Variants in SLC13A2 observed in about 807,000 individuals in gnomAD.
SLC13A2 encodes the protein Na(+)-coupled citrate transporter.
In SLC13A2, 40 loss-of-function variants were observed where a neutral mutation model predicts 58.5. The ratio of observed to expected loss-of-function variants is 0.68; its 90% CI spans 0.53 to 0.89. The LOEUF (loss-of-function observed/expected upper bound fraction) is 0.89, where lower values mean the gene tolerates loss of function less well. SLC13A2 is among the 40% of genes least tolerant of loss of function. The pLI, the probability that SLC13A2 is intolerant of heterozygous loss-of-function variation, is 0.00. For synonymous variants in SLC13A2, 341 were observed against 331.6 expected (o/e 1.03, Z -0.31); for missense variants, 694 against 772.6 (o/e 0.90, Z 1.21).
Position 28,495,770 on chromosome 17 carries a change from G to C in SLC13A2, c.1424G>C (p.Ser475Thr). 1 of 1,613,382 alleles carries C rather than the reference G, an allele frequency of 6.2e-7. No individual in the cohort carries two copies. ...LLVATFTECT[S>T]NVATTTIFLP... ...GTGGCCACCTTCACCGAGTGCACTA[G>C]CAACGTGGCCACCACTACGATCTTC... The change falls in exon 10 of 12, where the codon AGC (serine) becomes ACC (threonine). Residue 475 changes from serine to threonine, a missense_variant. Physicochemically the swap from Ser to Thr is moderately conservative, Grantham distance 58. Transcript: ENST00000314669.
rs1394350141 is a variant in SLC13A2, at chr17:28,497,134, C to T, written c.1644C>T (p.Val548=). ...RAGFLLNIIG[V]LIIALAINSW... ...GATTCCTCCTCAACATCATTGGAGT[C>T]CTGATCATCGCACTGGCCATCAACA... The change falls in exon 12 of 12, where the codon GTC becomes GTT. Residue 548 remains valine, a synonymous_variant. Transcript: ENST00000314669. 3 of 1,614,008 alleles carry T rather than the reference C, an allele frequency of 1.9e-6. No homozygotes were observed. The highest frequency in any genetic ancestry group is 2.5e-6 in the Non-Finnish European group (3 of 1,180,020).
intron 1 of SLC13A2, among the ~76,000 whole-genome samples, chr17:28,480,015 G>C (rs780688837): frequency 6.6e-6 from 1 of 152,014 alleles, no homozygotes; most frequent in Non-Finnish European, 1.5e-5. Context: ...TTAGCTGGGC[G>C]TGGTGGCACA....
intron 7 of SLC13A2, 32 bp downstream of exon 7, chr17:28,493,821 A>G (rs372606373): frequency 5.1e-5 from 82 of 1,608,650 alleles, no homozygotes; most frequent in East Asian, 2.2e-4. Flanking sequence ...AGGAGGACAC[A>G]TCTGGGGCTC....
chr17:28,479,444 G>T (rs1555600664), intron 1 of SLC13A2, among the ~76,000 whole-genome samples: 1 of 152,098 alleles, frequency 6.6e-6, no homozygotes, highest in East Asian at 1.9e-4. Flanking sequence ...AGCCCTACAA[G>T]GCTACAGGGA....
chr17:28,484,591 G>T (rs2068843746), intron 1 of SLC13A2, among the ~76,000 whole-genome samples: 1 of 152,178 alleles, frequency 6.6e-6, no homozygotes, highest in African/African-American at 2.4e-5. Context: ...GTGTGTGCTG[G>T]GGGAGGGGAG....
chr17:28,481,474 A>T (rs1555601122), intron 1 of SLC13A2, among the ~76,000 whole-genome samples: 2 of 152,222 alleles, frequency 1.3e-5, no homozygotes, highest in Non-Finnish European at 1.5e-5. Context: ...CTTCCAGTGC[A>T]TGCTGTTGGG....
Position 28,493,674 on chromosome 17 carries a change from G to T in SLC13A2, c.982G>T (p.Ala328Ser). ...CAGGCTGCTGGGCCCCATGACCTTT[G>T]CAGAAAAGGCCATCAGCATCCTATT... ...EHRLLGPMTF[A>S]EKAISILFVI... The change falls in exon 7 of 12, where the codon GCA becomes TCA. Residue 328 changes from alanine (A) to serine (S), a missense_variant. Ala to Ser is a moderately conservative substitution (Grantham distance 99). Transcript: ENST00000314669. 6.2e-7 allele frequency: 1 copy of T among 1,614,244 alleles called. No homozygotes were observed. The highest frequency in any genetic ancestry group is 8.5e-7 in the Non-Finnish European group (1 of 1,180,040).
At position 28,494,049 on chromosome 17, in the gene SLC13A2, T is replaced by C; in HGVS notation, c.1130T>C (p.Ile377Thr). ...TCCGATGGGACAGTGGCCATCTTCA[T>C]CGGCATAATTATGTTCATCATACCC... ...MVSDGTVAIF[I>T]GIIMFIIPSK... Residue 377 changes from isoleucine to threonine, a missense_variant, in exon 8 of 12, where the codon ATC (isoleucine) becomes ACC (threonine). Ile to Thr is a moderately conservative substitution (Grantham distance 89, BLOSUM62 -1). Coordinates refer to ENST00000314669, the MANE Select transcript of SLC13A2 (RefSeq NM_003984.4). The surrounding 1 kb of genome is among the most constrained non-coding windows in gnomAD (Gnocchi z 4.0). 6.2e-7 allele frequency: 1 copy of C among 1,613,834 alleles called. No individual in the cohort carries two copies. The highest frequency in any genetic ancestry group is 1.1e-5 in the South Asian group (1 of 91,070).
rs782386987 is a variant in SLC13A2, at chr17:28,495,704, G to T, written c.1358G>T (p.Ser453Ile). 8 of 1,612,352 alleles carry T rather than the reference G, an allele frequency of 5.0e-6. No individual in the cohort carries two copies. The African/African-American group carries it at 1.1e-4, about 22-fold the overall frequency. ...WLGNKLTPLQ[S>I]VPAPAIAIIL... Reference sequence around the variant, plus strand: ...GGAAACAAGCTGACCCCACTGCAGAGTGTGCCAGCTCCAGCCATTGCCATC... The same window carrying T: ...GGAAACAAGCTGACCCCACTGCAGATTGTGCCAGCTCCAGCCATTGCCATC... The change falls in exon 10 of 12, where the codon AGT becomes ATT. Residue 453 changes from serine to isoleucine, a missense_variant. By Grantham distance (142) the Ser-to-Ile change is moderately radical (BLOSUM62 -2). Transcript: ENST00000314669.
chr17:28,484,462 A>C (rs143086918), intron 1 of SLC13A2, among the ~76,000 whole-genome samples: 1 of 152,312 alleles, frequency 6.6e-6, no homozygotes, highest in East Asian at 1.9e-4. Context: ...GTATGGCCAG[A>C]GCAGAGAGAG....
At chr17:28,487,805 G>A (rs1222197268) in intron 1 of SLC13A2, among the ~76,000 whole-genome samples, 2 of 152,212 alleles carry the variant, frequency 1.3e-5, no homozygotes, top group Non-Finnish European at 2.9e-5. Context: ...AGGATGAAGA[G>A]AGGTAGTAGA....
chr17:28,474,751 G>A (rs1002989170), intron 1 of SLC13A2, among the ~76,000 whole-genome samples: 16 of 152,236 alleles, frequency 1.1e-4, no homozygotes, highest in South Asian at 2.1e-4. Context: ...TCAGTCAGTC[G>A]GCCTCTGGCA....
chr17:28,479,069 C>T (rs530174107), intron 1 of SLC13A2, among the ~76,000 whole-genome samples: 14 of 152,044 alleles, frequency 9.2e-5, no homozygotes, highest in African/African-American at 3.1e-4. Flanking sequence ...AAAAAATTAG[C>T]CAGGTGTGGT....
intron 1 of SLC13A2, among the ~76,000 whole-genome samples, chr17:28,475,826 A>G (rs546270418): frequency 3.9e-5 from 6 of 152,080 alleles, no homozygotes; most frequent in Admixed American, 3.3e-4. Flanking sequence ...TTCCTTCTCC[A>G]TCTGACTCTG....
At position 28,493,774 on chromosome 17, in the gene SLC13A2, A is replaced by C. The variant is rs2069079958; in HGVS notation, c.1082A>C (p.Asn361Thr). 1 of 1,614,160 alleles carries C rather than the reference A, an allele frequency of 6.2e-7. No homozygotes were observed. The highest frequency in any genetic ancestry group is 8.5e-7 in the Non-Finnish European group (1 of 1,180,032). ...FLGWGNLAFP[N>T]AKGESMVSDG... is the part of the protein sequence containing the mutation. The stretch of plus-strand genomic sequence containing the variant: ...GGCTGGGGCAATTTGGCTTTTCCCA[A>C]TGCCAAGGGGGAGAGGTGAGAGTTG... The change falls in exon 7 of 12, where the codon AAT (asparagine) becomes ACT (threonine). Residue 361 changes from asparagine to threonine, a missense_variant. Transcript: ENST00000314669.
intron 1 of SLC13A2, among the ~76,000 whole-genome samples, chr17:28,474,086 G>C (rs2068631316): frequency 6.6e-6 from 1 of 152,144 alleles, no homozygotes; most frequent in Non-Finnish European, 1.5e-5. Context: ...CCATCAACAA[G>C]ATGCAAGGGG....
intron 2 of SLC13A2, 157 bp from the exon 3 acceptor site, chr17:28,490,297 T>A (rs781915092): frequency 1.3e-5 from 21 of 1,578,648 alleles, no homozygotes; most frequent in South Asian, 4.6e-5. Context: ...TTATTTTTTT[T>A]AAATGGCAGA....
intron 1 of SLC13A2, among the ~76,000 whole-genome samples, chr17:28,480,674 C>T (rs1328785000): frequency 6.6e-6 from 1 of 152,156 alleles, no homozygotes. Flanking sequence ...GTACCTGGCA[C>T]CTGGGGCTTG....
chr17:28,489,183 G>C, intron 1 of SLC13A2, 31 bp from the exon 2 acceptor site: 4 of 1,609,402 alleles, frequency 2.5e-6, no homozygotes, highest in Non-Finnish European at 2.5e-6. Flanking sequence ...CAGGCCCTCT[G>C]ACAGCTCTGC....
Sources: gnomAD v4.1 joint callset for allele counts (sites outside exome capture counted in the v4.1 genomes callset) on GRCh38, gnomAD v4.1.1 for gene constraint, Gnocchi (gnomAD v3.1) non-coding constraint, MANE v1.5 for transcripts, NCBI Gene and HGNC (gene_info 2026-07-23, HGNC 2026-07-21) for gene names.